Variants in KIAA2012 observed in about 807,000 individuals in gnomAD.
The protein encoded by KIAA2012 is uncharacterized protein KIAA2012.
KIAA2012 carries 125 observed loss-of-function variants against 150.6 expected under a neutral mutation model. The observed-to-expected ratio is 0.83, with a 90% confidence interval of 0.72 to 0.96. The LOEUF is 0.96. Among genes scored for constraint, KIAA2012 ranks in the 40% least tolerant of loss-of-function variants. KIAA2012 has a pLI of 0.00. For missense variants in KIAA2012, 1,219 were observed against 1,354.9 expected (o/e 0.90, Z 1.57); for synonymous variants, 462 against 504.7 (o/e 0.92, Z 1.13).
rs1261616443 is a variant in KIAA2012 at position 202,196,791 on chromosome 2, A to G, written c.3188-9A>G. 6 of 1,549,798 alleles carry G rather than the reference A, an allele frequency of 3.9e-6. No homozygotes were observed. The highest frequency in any genetic ancestry group is 2.0e-5 in the Admixed American group (1 of 50,902). ...CCCTGCTGAGCCCACCCCCTTTTCTATTCTGCAGAGGCAGAGAAGCAAAGG... is the reference window on the plus strand; with the variant it reads ...CCCTGCTGAGCCCACCCCCTTTTCTGTTCTGCAGAGGCAGAGAAGCAAAGG... On this transcript the variant is annotated splice_polypyrimidine_tract_variant and intron_variant, in intron 21 of 23. Transcript: ENST00000498697.
intron 15 of KIAA2012, among the ~76,000 whole-genome samples, chr2:202,173,372 C>T (rs184705950): frequency 5.0e-4 from 76 of 152,226 alleles, no homozygotes; most frequent in African/African-American, 1.8e-3. Flanking sequence ...GACTTCGAGA[C>T]CAGCCTGACC....
At chr2:202,080,382 A>G (rs1157039042) in intron 2 of KIAA2012, among the ~76,000 whole-genome samples, 1 of 152,156 alleles carries the variant, frequency 6.6e-6, no homozygotes, top group Non-Finnish European at 1.5e-5. Flanking sequence ...TCCCTTGTAT[A>G]ACGAATAGAA....
chr2:202,144,432 C>T (rs1009580205), intron 13 of KIAA2012, among the ~76,000 whole-genome samples: 4 of 152,004 alleles, frequency 2.6e-5, no homozygotes, highest in East Asian at 3.9e-4. Context: ...CTGTGTTTAC[C>T]GCCATCTGTT....
At chr2:202,133,128 A>ATTTTTTTTTTTTTT (rs1202818706) in intron 12 of KIAA2012, among the ~76,000 whole-genome samples, 2 of 76,682 alleles carry the variant, frequency 2.6e-5, no homozygotes, top group African/African-American at 5.5e-5. Context: ...ATATATATAT[A>ATTTTTTTTTTTTTT]TATTTTTTTT....
Position 202,090,799 on chromosome 2 carries a change from C to A in KIAA2012, c.399C>A (p.Tyr133Ter). Residue 133 changes from tyrosine to a stop codon, truncating the protein, a stop_gained, in exon 3 of 24, where the codon TAC becomes TAA. Coordinates refer to ENST00000498697, the MANE Select transcript of KIAA2012 (RefSeq NM_001277372.4). LOFTEE classifies it high-confidence loss of function. ...QGEQDRAWQP[Y>*]LHFRSQLESQ... Reference sequence around the variant, plus strand: ...AGCAGGACAGAGCCTGGCAACCATACCTCCACTTCCGAAGCCAGCTGGAGA... The same window carrying A: ...AGCAGGACAGAGCCTGGCAACCATAACTCCACTTCCGAAGCCAGCTGGAGA... The A allele has an allele frequency of 6.4e-7, 1 of 1,550,512 alleles. No homozygotes were observed. The highest frequency in any genetic ancestry group is 8.7e-7 in the Non-Finnish European group (1 of 1,146,904).
intron 2 of KIAA2012, among the ~76,000 whole-genome samples, chr2:202,084,209 G>A (rs1350761124): frequency 1.3e-5 from 2 of 152,130 alleles, no homozygotes; most frequent in African/African-American, 4.8e-5. Context: ...GCGGTATGAT[G>A]GCAGCTGGCT....
chr2:202,079,268 C>T (rs1689390266), intron 2 of KIAA2012, among the ~76,000 whole-genome samples: 2 of 152,108 alleles, frequency 1.3e-5, no homozygotes, highest in African/African-American at 2.4e-5. Flanking sequence ...CACCAATAAC[C>T]ACACCATCTG....
intron 7 of KIAA2012, among the ~76,000 whole-genome samples, chr2:202,100,907 G>A (rs1240169970): frequency 6.6e-6 from 1 of 152,176 alleles, no homozygotes; most frequent in Non-Finnish European, 1.5e-5. Flanking sequence ...AACCTCCTTT[G>A]GGAGTCAAAT....
intron 11 of KIAA2012, chr2:202,116,624 TG>T (rs1690535146): frequency 6.6e-6 from 1 of 151,988 alleles, no homozygotes. Flanking sequence ...TGTTTGTTGT[TG>T]TTATTTGTCA....
intron 13 of KIAA2012, among the ~76,000 whole-genome samples, chr2:202,143,481 A>G (rs1384234862): frequency 1.3e-5 from 2 of 151,752 alleles, no homozygotes; most frequent in African/African-American, 2.4e-5. Flanking sequence ...AGACTTGCAA[A>G]TAATGCATGA....
At chr2:202,120,535 A>G (rs7559105) in intron 11 of KIAA2012, among the ~76,000 whole-genome samples, 1,789 of 152,302 alleles carry the variant, frequency 0.012, 38 homozygotes, top group African/African-American at 0.041. Flanking sequence ...ACTGCATCAC[A>G]CAGCTTCTAG....
At chr2:202,097,602 T>C (rs1398658416) in intron 5 of KIAA2012, 25 bp downstream of exon 5, 31 of 1,530,804 alleles carry the variant, frequency 2.0e-5, no homozygotes, top group Non-Finnish European at 2.5e-5. Flanking sequence ...TTTTTTTTTT[T>C]TCCCCGAGAC....
intron 12 of KIAA2012, among the ~76,000 whole-genome samples, chr2:202,133,044 G>A (rs868609278): frequency 7.1e-6 from 1 of 139,980 alleles, no homozygotes; most frequent in Non-Finnish European, 1.5e-5. Context: ...GGTGGAGCTT[G>A]CAGTGAGCCA....
intron 2 of KIAA2012, among the ~76,000 whole-genome samples, chr2:202,079,364 G>C (rs1689391859): frequency 6.6e-6 from 1 of 152,164 alleles, no homozygotes; most frequent in Non-Finnish European, 1.5e-5. Context: ...CCAAAGTGAG[G>C]ATGGAAAAAG....
chr2:202,122,050 G>A (rs1467549332), intron 11 of KIAA2012, among the ~76,000 whole-genome samples: 2 of 152,190 alleles, frequency 1.3e-5, no homozygotes, highest in Non-Finnish European at 2.9e-5. Context: ...TGGATAATGA[G>A]GAGCAGCGTG....
At position 202,188,229 on chromosome 2, in the gene KIAA2012, A is replaced by G. The variant is rs866155936; in HGVS notation, c.2454A>G (p.Arg818=). ...KDKTKGPKSE[R]EGKVYGQAEA... ...AAACCAAAGGACCCAAAAGCGAGAG[A>G]GAAGGAAAGGTCTACGGGCAAGCAG... The change falls in exon 18 of 24, where the codon AGA becomes AGG. Residue 818 remains arginine, a synonymous_variant. Transcript: ENST00000498697. The G allele has an allele frequency of 9.0e-6, 14 of 1,550,388 alleles. No homozygotes were observed. Among genetic ancestry groups the G allele is most frequent in the Middle Eastern group, 1.7e-4 (1 of 6,008 alleles).
At chr2:202,146,269 A>G (rs1691292163) in intron 13 of KIAA2012, among the ~76,000 whole-genome samples, 1 of 152,114 alleles carries the variant, frequency 6.6e-6, no homozygotes, top group Admixed American at 6.5e-5. Flanking sequence ...TTGGGAGACC[A>G]AGGCTGGAGG....
intron 17 of KIAA2012, among the ~76,000 whole-genome samples, chr2:202,187,671 A>T (rs1692256944): frequency 6.6e-6 from 1 of 152,202 alleles, no homozygotes; most frequent in African/African-American, 2.4e-5. Flanking sequence ...ATCCTCTCTT[A>T]GGAGGAACCA....
At chr2:202,125,934 GCTT>G in intron 12 of KIAA2012, 8 of 176,010 alleles carry the variant, frequency 4.5e-5, no homozygotes, top group Admixed American at 1.0e-4. Context: ...GTTCCTGGCT[GCTT>G]TTTTTTTTTT....
Sources: gnomAD v4.1 joint callset for allele counts (sites outside exome capture counted in the v4.1 genomes callset) on GRCh38, gnomAD v4.1.1 for gene constraint, MANE v1.5 for transcripts, NCBI Gene and HGNC (gene_info 2026-07-23, HGNC 2026-07-21) for gene names.